Variants in MAP7 observed in about 807,000 individuals in gnomAD.
MAP7 encodes ensconsin.
Under a neutral mutation model 94.8 loss-of-function variants are expected in MAP7, and 52 were observed. The observed-to-expected ratio is 0.55, with a 90% CI of 0.44 to 0.69. The LOEUF is 0.69. Among genes scored for constraint, MAP7 ranks in the 30% least tolerant of loss-of-function variants. The pLI is 0.00. For missense variants in MAP7, 940 were observed against 964.6 expected (o/e 0.97, Z 0.34); for synonymous variants, 350 against 357.0 (o/e 0.98, Z 0.22).
chr6:136,426,191 C>T (rs1215469721), intron 1 of MAP7, among the ~76,000 whole-genome samples: 1 of 152,164 alleles, frequency 6.6e-6, no homozygotes, highest in Non-Finnish European at 1.5e-5. Context: ...TCATGTATTT[C>T]TGCTATCATT....
intron 1 of MAP7, chr6:136,526,776 A>G (rs1827978564): frequency 1.4e-6 from 1 of 705,144 alleles, no homozygotes; most frequent in African/African-American, 1.9e-5. Context: ...TATCATAACA[A>G]TGTTTGCAAG....
intron 1 of MAP7, among the ~76,000 whole-genome samples, chr6:136,475,186 A>G (rs1245891296): frequency 6.6e-6 from 1 of 152,224 alleles, no homozygotes; most frequent in Non-Finnish European, 1.5e-5. Context: ...TAGTAGGTCA[A>G]AAGTAGGAAT....
At chr6:136,445,224 G>C (rs999283412) in intron 1 of MAP7, among the ~76,000 whole-genome samples, 10 of 152,120 alleles carry the variant, frequency 6.6e-5, no homozygotes, top group African/African-American at 2.4e-4. Context: ...CTTTGAGGAC[G>C]GCTTCCCTCC....
intron 1 of MAP7, among the ~76,000 whole-genome samples, chr6:136,534,766 G>A (rs1207470300): frequency 1.3e-5 from 2 of 152,102 alleles, no homozygotes; most frequent in Non-Finnish European, 1.5e-5. Context: ...AAGTACTGGT[G>A]AGCTTAAAAG....
At chr6:136,414,252 C>CAAAAAAAAAAAAA (rs559869492) in intron 2 of MAP7, among the ~76,000 whole-genome samples, 358 of 15,936 alleles carry the variant, frequency 0.022, 76 homozygotes, top group Non-Finnish European at 0.034. Context: ...GACTCCGTCT[C>CAAAAAAAAAAAAA]AAAAAAAAAA....
intron 1 of MAP7, among the ~76,000 whole-genome samples, chr6:136,470,350 T>C (rs1305354104): frequency 6.6e-6 from 1 of 152,022 alleles, no homozygotes; most frequent in Admixed American, 6.6e-5. Flanking sequence ...AATTGGCAAA[T>C]AAAAATTGTA....
chr6:136,406,685 G>A (rs1231558927), intron 3 of MAP7, among the ~76,000 whole-genome samples: 1 of 152,174 alleles, frequency 6.6e-6, no homozygotes, highest in East Asian at 1.9e-4. Context: ...GCTGGGCGTG[G>A]TAGCACATGC....
In MAP7 at chr6:136,344,191, T is replaced by C; in HGVS notation, c.*37A>G. 8.4e-7 allele frequency: 1 copy of C among 1,184,234 alleles called. No individual in the cohort carries two copies. Among genetic ancestry groups the C allele is most frequent in the Non-Finnish European group, 1.1e-6 (1 of 879,304 alleles). 73.4% of individuals were successfully genotyped at this position (1,184,234 alleles called of 1,614,324 possible). A position where few individuals can be genotyped will look rare whatever the true frequency, so the allele number is the denominator to read the frequency against. Reference sequence around the variant, plus strand: ...GGAATTCCATTAATTGTAGAAATTCTCATTAAATTTCAGCTTTGGTTCTTC... The same window carrying C: ...GGAATTCCATTAATTGTAGAAATTCCCATTAAATTTCAGCTTTGGTTCTTC... On this transcript the variant is annotated 3_prime_UTR_variant, in exon 18 of 18. Coordinates refer to ENST00000354570, the MANE Select transcript of MAP7 (RefSeq NM_003980.6).
Position 136,362,577 on chromosome 6 carries a change from C to A in MAP7, c.1399G>T (p.Val467Phe), listed in dbSNP as rs556411089. 1 of 1,614,116 alleles carries A rather than the reference C, an allele frequency of 6.2e-7. No individual in the cohort carries two copies. Among genetic ancestry groups the A allele is most frequent in the Admixed American group, 1.7e-5 (1 of 60,008 alleles). ...PSSTVNASAS[V>F]KTSAGTTDPE... Reference sequence around the variant, plus strand: ...TCGGTGGTGCCTGCAGAAGTCTTAACAGAAGCACTGGCATTCACAGTGGAT... The same window carrying A: ...TCGGTGGTGCCTGCAGAAGTCTTAAAAGAAGCACTGGCATTCACAGTGGAT... Residue 467 changes from valine to phenylalanine, a missense_variant, in exon 11 of 18, where the codon GTT (valine) becomes TTT (phenylalanine). By Grantham distance (50) the Val-to-Phe change is conservative. Transcript: ENST00000354570.
Position 136,391,555 on chromosome 6 carries a change from A to AAACAACAAC in MAP7, c.245-2047_245-2039dup, listed in dbSNP as rs58864802. 5.9e-3 allele frequency among the ~76,000 whole-genome samples: 877 copies of AAACAACAAC among 149,744 alleles called. 14 individuals are homozygous for AAACAACAAC. The highest frequency in any genetic ancestry group is 0.02 in the African/African-American group (798 of 40,840). ...ACCCTAAAACTTAGAGTATAATAAA[A>AAACAACAAC]AACAACAACAACAACAACAACAACA... On this transcript the variant is annotated intron_variant, in intron 3 of 17. Coordinates refer to ENST00000354570, the MANE Select transcript of MAP7 (RefSeq NM_003980.6).
chr6:136,522,658 G>A (rs559875801), intron 1 of MAP7, among the ~76,000 whole-genome samples: 19 of 152,320 alleles, frequency 1.2e-4, no homozygotes, highest in African/African-American at 4.3e-4. Flanking sequence ...AAAAGTTTCT[G>A]ATTGTGTATC....
intron 3 of MAP7, among the ~76,000 whole-genome samples, chr6:136,408,206 A>G (rs1431309660): frequency 6.6e-6 from 1 of 152,224 alleles, no homozygotes; most frequent in Admixed American, 6.5e-5. Context: ...GGGTGGTTAG[A>G]GACTTTTCTA....
intron 9 of MAP7, 119 bp from the exon 10 acceptor site, chr6:136,366,137 A>G (rs1794262132): frequency 1.8e-6 from 2 of 1,135,292 alleles, no homozygotes; most frequent in South Asian, 3.2e-5. Flanking sequence ...TTTGTTTTTT[A>G]TGTGGTAGAT....
At chr6:136,474,721 CT>C (rs55694865) in intron 1 of MAP7, among the ~76,000 whole-genome samples, 100,925 of 145,162 alleles carry the variant, frequency 0.7, 36,583 homozygotes, top group South Asian at 0.83. Flanking sequence ...CAATCTAAAA[CT>C]TTTTTTTTTT....
chr6:136,348,416 A>G (rs1788274821), intron 16 of MAP7, among the ~76,000 whole-genome samples: 3 of 152,170 alleles, frequency 2.0e-5, no homozygotes, highest in Admixed American at 1.3e-4. Flanking sequence ...GGACATCGGG[A>G]CTGGTAGAAA....
At chr6:136,358,559 T>C (rs1159429475) in intron 15 of MAP7, among the ~76,000 whole-genome samples, 1 of 152,202 alleles carries the variant, frequency 6.6e-6, no homozygotes. Context: ...CAAAATAGCT[T>C]CTATGGAAAT....
At chr6:136,360,578 AG>A in intron 13 of MAP7, 118 bp downstream of exon 13, 1 of 772,996 alleles carries the variant, frequency 1.3e-6, no homozygotes, top group Non-Finnish European at 2.2e-6. Flanking sequence ...GTTATCACTG[AG>A]GGGGCTACTA....
At chr6:136,346,383 C>A (rs750138656) in intron 16 of MAP7, among the ~76,000 whole-genome samples, 9 of 151,998 alleles carry the variant, frequency 5.9e-5, no homozygotes, top group Non-Finnish European at 1.3e-4. Flanking sequence ...GTAAACATAG[C>A]AAGACCCCCG....
chr6:136,516,164 ATTT>A (rs11319446), intron 1 of MAP7, among the ~76,000 whole-genome samples: 1 of 145,800 alleles, frequency 6.9e-6, no homozygotes, highest in Admixed American at 6.9e-5. Context: ...GGAAATGACA[ATTT>A]TTTTTTTTTT....
Sources: allele counts gnomAD v4.1 joint callset (sites outside exome capture counted in the v4.1 genomes callset), GRCh38; gene constraint gnomAD v4.1.1; transcripts MANE v1.5; gene names NCBI Gene and HGNC (gene_info 2026-07-23, HGNC 2026-07-21).